The following MYB variants were observed in gnomAD, a reference collection of about 807,000 sequenced individuals.
MYB encodes the protein MYB proto-oncogene, transcription factor.
In MYB, 28 loss-of-function variants were observed where a neutral mutation model predicts 92.9. The ratio of observed to expected loss-of-function variants is 0.30; its 90% confidence interval spans 0.22 to 0.41. The LOEUF is 0.41. Among genes scored for constraint, MYB ranks in the 10% least tolerant of loss-of-function variants. MYB has a pLI of 1.00. For synonymous variants in MYB, 295 were observed against 329.1 expected (o/e 0.90, Z 1.12); for missense variants, 679 against 929.3 (o/e 0.73, Z 3.50).
intron 2 of MYB, 117 bp downstream of exon 2, chr6:135,186,137 T>C: frequency 1.3e-6 from 1 of 784,958 alleles, no homozygotes; most frequent in East Asian, 2.7e-5. Flanking sequence ...TGAGATCTTA[T>C]CCTAGCCCGC....
At position 135,206,067 on chromosome 6, in the gene MYB, G is replaced by A. The variant is rs192096154; in HGVS notation, c.2169+2743G>A. Among the ~76,000 whole-genome samples the A allele has an allele frequency of 3.0e-3, 458 of 151,634 alleles. 2 individuals are homozygous for A. Among genetic ancestry groups the A allele is most frequent in the Admixed American group, 6.0e-3 (91 of 15,238 alleles). ...AAAAATACAAAAAAATTAGCCGGGC[G>A]TAGTGGCGGGCACCTGTAGTCCCAG... On this transcript the variant is annotated intron_variant, in intron 15 of 15. Transcript: ENST00000341911.
chr6:135,181,789 C>G lies in MYB; in HGVS notation c.23+253C>G, dbSNP rs1775082062. 6.6e-6 allele frequency among the ~76,000 whole-genome samples: 1 copy of G among 152,226 alleles called. No individual in the cohort carries two copies. The highest frequency in any genetic ancestry group is 2.4e-5 in the African/African-American group (1 of 41,456). ...TCATTTTGCAAGTTGCATGGGGATA[C>G]ATTTTTCTTTAGGGGGAAAAAGAAA... On this transcript the variant is annotated intron_variant, in intron 1 of 15. Transcript: ENST00000341911. This position sits in a 1 kb window ranked among gnomAD's most constrained non-coding sequence, Gnocchi z 5.3.
intron 14 of MYB, chr6:135,202,800 T>A (rs1778314708): frequency 2.5e-6 from 1 of 400,364 alleles, no homozygotes; most frequent in African/African-American, 2.1e-5. Context: ...TTGTTCTAAA[T>A]TCCCTACTTT....
chr6:135,186,092 A>G (rs1775870437), intron 2 of MYB, 72 bp downstream of exon 2: 5 of 1,286,284 alleles, frequency 3.9e-6, no homozygotes, highest in Middle Eastern at 2.1e-4. Flanking sequence ...AATTTCAACT[A>G]AACTACAGGT....
chr6:135,189,730 C>T, intron 3 of MYB, 61 bp from the exon 4 acceptor site: 1 of 1,427,128 alleles, frequency 7.0e-7, no homozygotes, highest in Admixed American at 1.8e-5. Flanking sequence ...CCTATTACAA[C>T]AAAAAATTCA....
rs759998303 is a variant in MYB at position 135,200,145 on chromosome 6, A to G, written c.1770A>G (p.Pro590=). 5 of 1,614,234 alleles carry G rather than the reference A, an allele frequency of 3.1e-6. No homozygotes were observed. The highest frequency in any genetic ancestry group is 4.2e-6 in the Non-Finnish European group (5 of 1,180,038). ...ILESSPRTPT[P]FKHALAAQEI... is the part of the protein sequence containing the mutation. ...AAAGCTCTCCAAGAACTCCTACACC[A>G]TTCAAACATGCACTTGCAGCTCAAG... The change falls in exon 12 of 16, where the codon CCA becomes CCG. Residue 590 remains proline (P), a synonymous_variant. Coordinates refer to ENST00000341911, the MANE Select transcript of MYB (RefSeq NM_001130173.2).
intron 10 of MYB, among the ~76,000 whole-genome samples, chr6:135,197,758 C>G (rs1484350238): frequency 6.6e-6 from 1 of 152,080 alleles, no homozygotes; most frequent in Non-Finnish European, 1.5e-5. Flanking sequence ...TGGGTTGCAA[C>G]TAGAAAATTT....
chr6:135,199,721 T>A (rs1777803758), intron 11 of MYB: 1 of 273,234 alleles, frequency 3.7e-6, no homozygotes, highest in African/African-American at 2.3e-5. Context: ...TTAACATGTT[T>A]TGTAGTATGG....
At position 135,192,502 on chromosome 6, in the gene MYB, G is replaced by T; in HGVS notation, c.706G>T (p.Gly236Cys). 6.2e-7 allele frequency: 1 copy of T among 1,614,236 alleles called. No individual in the cohort carries two copies. The highest frequency in any genetic ancestry group is 2.2e-5 in the East Asian group (1 of 44,896). Residue 236 changes from glycine (G) to cysteine (C), a missense_variant, in exon 6 of 16, where the codon GGC (glycine) becomes TGC (cysteine). Physicochemically the swap from Gly to Cys is radical, Grantham distance 159 (BLOSUM62 -3). Around this residue, in one of 8 missense-constraint regions of MYB, gnomAD observed 32 missense variants for 29.9 expected, o/e 1.07. Coordinates refer to ENST00000341911, the MANE Select transcript of MYB (RefSeq NM_001130173.2). ...GCCTACAGCTCAACTCCCTGCCACT[G>T]GCCAGCCCACTGTTAACAACGACTA... Reference protein sequence around the residue: ...APPTAQLPATGQPTVNNDYSY... With the variant: ...APPTAQLPATCQPTVNNDYSY...
At position 135,190,134 on chromosome 6, in the gene MYB, A is replaced by C. The variant is rs763178718; in HGVS notation, c.314A>C (p.Glu105Ala). Reference sequence around the variant, plus strand: ...TTGTGTGTTTATCTGAAGGTGATAGAGCTTGTACAGAAATACGGTCCGAAA... The same window carrying C: ...TTGTGTGTTTATCTGAAGGTGATAGCGCTTGTACAGAAATACGGTCCGAAA... ...WTKEEDQRVIELVQKYGPKRW... is the reference protein window; with the variant it reads ...WTKEEDQRVIALVQKYGPKRW... Residue 105 changes from glutamate (E) to alanine (A), a missense_variant, in exon 5 of 16, where the codon GAG (glutamate) becomes GCG (alanine). Glu to Ala is a moderately radical substitution (Grantham distance 107). This residue lies in a region of MYB where 88 missense variants were observed against 145.6 expected (regional missense o/e 0.60). Transcript: ENST00000341911. The surrounding 1 kb of genome is among the most constrained non-coding windows in gnomAD (Gnocchi z 4.5). The C allele has an allele frequency of 6.2e-7, 1 of 1,614,084 alleles. No homozygotes were observed. Among genetic ancestry groups the C allele is most frequent in the Non-Finnish European group, 8.5e-7 (1 of 1,179,932 alleles).
At chr6:135,203,925 A>G (rs183674833) in intron 15 of MYB, 1 of 1,125,994 alleles carries the variant, frequency 8.9e-7, no homozygotes, top group East Asian at 7.1e-5. Context: ...ATGAAATATA[A>G]CCAATTCCAA....
chr6:135,193,758 A>G lies in MYB; in HGVS notation c.763-80A>G, dbSNP rs980235499. 3.5e-5 allele frequency: 32 copies of G among 916,692 alleles called. No homozygotes were observed. The African/African-American group carries it at 4.6e-4, about 13-fold the overall frequency. The allele number at this position is 916,692 out of a possible 1,614,324, so 56.8% of individuals were successfully genotyped here. On this transcript the variant is annotated intron_variant, in intron 6 of 15. Transcript: ENST00000341911. ...GTGTTTTTTTTCTCTCAGTCCCAGA[A>G]CGAAACCTCAGGAAGCCAAGTCCCC... is the stretch of plus-strand genomic sequence containing the variant.
At chr6:135,188,143 CTTGTT>C (rs1322010342) in intron 3 of MYB, among the ~76,000 whole-genome samples, 2 of 152,010 alleles carry the variant, frequency 1.3e-5, no homozygotes, top group African/African-American at 4.8e-5. Flanking sequence ...ACAGTTGCTT[CTTGTT>C]TTATCTTTTC....
chr6:135,189,955 G>A (rs1431188955), intron 4 of MYB, 72 bp downstream of exon 4: 2 of 1,500,072 alleles, frequency 1.3e-6, no homozygotes, highest in Non-Finnish European at 1.8e-6. Flanking sequence ...TTTCCTATTT[G>A]AGGAAGCAGG....
intron 15 of MYB, among the ~76,000 whole-genome samples, chr6:135,204,285 C>T (rs568243590): frequency 6.6e-6 from 1 of 152,250 alleles, no homozygotes; most frequent in South Asian, 2.1e-4. Context: ...CTTAGTTTTT[C>T]AGGGTTTTTT....
At chr6:135,208,321 C>A (rs1481094887) in intron 15 of MYB, among the ~76,000 whole-genome samples, 1 of 151,868 alleles carries the variant, frequency 6.6e-6, no homozygotes, top group East Asian at 1.9e-4. Context: ...TCATGATCGG[C>A]CCGCCTTGGC....
At chr6:135,210,501 G>A (rs210949) in intron 15 of MYB, among the ~76,000 whole-genome samples, 4 of 152,028 alleles carry the variant, frequency 2.6e-5, no homozygotes, top group African/African-American at 4.8e-5. Context: ...CTCAGCTTTC[G>A]GTTCAGCGTG....
intron 14 of MYB, chr6:135,202,942 T>C (rs1371629839): frequency 1.5e-6 from 1 of 662,172 alleles, no homozygotes; most frequent in Non-Finnish European, 2.8e-6. Context: ...TTAATTCATT[T>C]AGCAGATGTT....
intron 2 of MYB, among the ~76,000 whole-genome samples, chr6:135,187,107 C>T (rs1393160773): frequency 1.3e-5 from 2 of 152,130 alleles, no homozygotes; most frequent in South Asian, 2.1e-4. Context: ...TGAATGTTAC[C>T]TTTGCAGAAA....
Sources: gnomAD v4.1 joint callset for allele counts (sites outside exome capture counted in the v4.1 genomes callset) on GRCh38, gnomAD v4.1.1 for gene constraint, gnomAD v4.1.1 regional missense constraint, Gnocchi (gnomAD v3.1) non-coding constraint, MANE v1.5 for transcripts, NCBI Gene and HGNC (gene_info 2026-07-23, HGNC 2026-07-21) for gene names.